KIF1B: variants seen among roughly 807,000 people sequenced by gnomAD.
KIF1B encodes the protein kinesin family member 1B.
Under a neutral mutation model 241.9 loss-of-function variants are expected in KIF1B, and 76 were observed. The observed-to-expected ratio is 0.31, with a 90% CI of 0.26 to 0.38. The LOEUF (loss-of-function observed/expected upper bound fraction) is 0.38, where lower values mean the gene tolerates loss of function less well. Among genes scored for constraint, KIF1B ranks in the 10% least tolerant of loss-of-function variants. The pLI, the probability that KIF1B is intolerant of heterozygous loss-of-function variation, is 1.00. For synonymous variants in KIF1B, 750 were observed against 796.7 expected, an observed-to-expected ratio of 0.94 and a Z score of 0.99; for missense variants, 1,622 against 2,271.4, an observed-to-expected ratio of 0.71 and a Z score of 5.81.
chr1:10,304,665 C>T (rs891567009), intron 22 of KIF1B: 6 of 1,613,162 alleles, frequency 3.7e-6, no homozygotes, highest in Non-Finnish European at 5.1e-6. Flanking sequence ...ACTGGACAAA[C>T]TTGAAATCAT....
chr1:10,223,158 A>G (rs1027254489), intron 1 of KIF1B, among the ~76,000 whole-genome samples: 1 of 152,170 alleles, frequency 6.6e-6, no homozygotes, highest in Admixed American at 6.6e-5. Flanking sequence ...AGGCTGAGGC[A>G]GGAGAATCGC....
intron 28 of KIF1B, among the ~76,000 whole-genome samples, 176 bp downstream of exon 28, chr1:10,334,814 C>T (rs560622388): frequency 6.6e-6 from 1 of 152,294 alleles, no homozygotes; most frequent in East Asian, 1.9e-4. Context: ...GCAATTGTTC[C>T]CAAGTATCAC....
chr1:10,334,244 T>C (rs1430220328), intron 27 of KIF1B, among the ~76,000 whole-genome samples: 1 of 151,984 alleles, frequency 6.6e-6, no homozygotes, highest in African/African-American at 2.4e-5. Context: ...GAAAGTCTGC[T>C]TCCAGGTGTG....
At position 10,342,101 on chromosome 1, in the gene KIF1B, A is replaced by G. The variant is rs190481457; in HGVS notation, c.3565A>G (p.Ile1189Val). 17 of 1,613,884 alleles carry G rather than the reference A, an allele frequency of 1.1e-5. No homozygotes were observed. In the Admixed American group the frequency reaches 2.5e-4, roughly 24 times the overall value. ...SFVDYIKTKP[I>V]VFEVFGHYQQ... Reference sequence around the variant, plus strand: ...TGTGGATTACATCAAAACCAAGCCTATTGTATTTGAAGTCTTTGGGCATTA... The same window carrying G: ...TGTGGATTACATCAAAACCAAGCCTGTTGTATTTGAAGTCTTTGGGCATTA... The change falls in exon 33 of 49, where the codon ATT (isoleucine) becomes GTT (valine). Residue 1189 changes from isoleucine (I) to valine (V), a missense_variant. Physicochemically the swap from Ile to Val is conservative, Grantham distance 29. Transcript: ENST00000676179.
At chr1:10,220,373 T>TA (rs1180517833) in intron 1 of KIF1B, among the ~76,000 whole-genome samples, 1 of 130,612 alleles carries the variant, frequency 7.7e-6, no homozygotes, top group Non-Finnish European at 1.6e-5. Context: ...CCTGTTTCAA[T>TA]AGATAGATAG....
intron 10 of KIF1B, among the ~76,000 whole-genome samples, chr1:10,273,329 G>A (rs1315781678): frequency 2.6e-5 from 4 of 152,138 alleles, no homozygotes; most frequent in East Asian, 1.9e-4. Context: ...CAAGGCGGGC[G>A]GATCATTTGA....
Position 10,336,638 on chromosome 1 carries a change from A to AT in KIF1B, c.3044-10dup, listed in dbSNP as rs758417740. 568 of 1,578,820 alleles carry AT rather than the reference A, an allele frequency of 3.6e-4. No individual in the cohort carries two copies. The highest frequency in any genetic ancestry group is 6.7e-4 in the Middle Eastern group (4 of 5,974). On this transcript the variant is annotated intron_variant, in intron 28 of 48. Transcript: ENST00000676179. ...GTGTAGTCTCACTCAATTCTTGCTA[A>AT]TTTTTTTTTCTGCTTTAGCGGATGA...
At position 10,381,074 on chromosome 1, in the gene KIF1B, G is replaced by A. The variant is rs2102371809; in HGVS notation, c.*4487G>A. 4.5e-6 allele frequency: 1 copy of A among 223,416 alleles called. No homozygotes were observed. The highest frequency in any genetic ancestry group is 6.6e-5 in the East Asian group (1 of 15,238). The allele number at this position is 223,416 out of a possible 1,614,324, so 13.8% of individuals were successfully genotyped here. A position where few individuals can be genotyped will look rare whatever the true frequency, so the allele number is the denominator to read the frequency against. On this transcript the variant is annotated 3_prime_UTR_variant, in exon 49 of 49. Coordinates refer to ENST00000676179, the MANE Select transcript of KIF1B (RefSeq NM_001365951.3). ...AGATGGAAAGTCTGAGCTGAGGTTG[G>A]TCTCTTGCCAAACCGTGGCTGTTGT...
At chr1:10,256,400 G>A (rs1033566345) in intron 3 of KIF1B, 77 bp downstream of exon 3, 43 of 996,920 alleles carry the variant, frequency 4.3e-5, no homozygotes, top group Non-Finnish European at 5.8e-5. Flanking sequence ...TTTTCTCTTA[G>A]CTGAGCAGAT....
chr1:10,333,467 G>A (rs1289850666), intron 27 of KIF1B, among the ~76,000 whole-genome samples: 4 of 152,036 alleles, frequency 2.6e-5, no homozygotes, highest in East Asian at 1.9e-4. Context: ...TGTTGCGGGC[G>A]GATCACGAGG....
At chr1:10,305,465 C>CA (rs1650784123) in intron 22 of KIF1B, 1 of 1,059,270 alleles carries the variant, frequency 9.4e-7, no homozygotes, top group Non-Finnish European at 1.1e-6. Flanking sequence ...GAAATACCAA[C>CA]AAAAAACTTG....
At chr1:10,272,190 A>C in intron 8 of KIF1B, 51 bp from the exon 9 acceptor site, 1 of 1,029,688 alleles carries the variant, frequency 9.7e-7, no homozygotes, top group Non-Finnish European at 1.5e-6. Context: ...TGTATGATAT[A>C]GCAGTAGTAG....
At chr1:10,307,751 A>G (rs1449557868) in intron 22 of KIF1B, 4 of 1,033,644 alleles carry the variant, frequency 3.9e-6, no homozygotes, top group Non-Finnish European at 4.7e-6. Context: ...TGTTTATTCT[A>G]TTGAAGTTAT....
intron 2 of KIF1B, among the ~76,000 whole-genome samples, chr1:10,247,395 T>C (rs4240911): frequency 0.33 from 49,913 of 152,124 alleles, 8,310 homozygotes; most frequent in Middle Eastern, 0.39. Flanking sequence ...ACTTTCACTG[T>C]GATCTTTTAT....
intron 41 of KIF1B, among the ~76,000 whole-genome samples, chr1:10,364,343 T>C (rs1638507338): frequency 6.6e-6 from 1 of 151,956 alleles, no homozygotes. Flanking sequence ...TAGCTGGGTT[T>C]GCAAGCACCC....
At chr1:10,336,960 A>G (rs1427843930) in intron 29 of KIF1B, 114 bp from the exon 30 acceptor site, 7 of 1,415,846 alleles carry the variant, frequency 4.9e-6, no homozygotes, top group African/African-American at 4.2e-5. Flanking sequence ...CCCTCAGTCC[A>G]TATAATTTTC....
At chr1:10,336,986 G>C in intron 29 of KIF1B, 88 bp from the exon 30 acceptor site, 3 of 1,552,300 alleles carry the variant, frequency 1.9e-6, no homozygotes, top group Non-Finnish European at 2.7e-6. Context: ...ACTATTATTT[G>C]TTGGACAGAT....
chr1:10,378,651 C>T lies in KIF1B; in HGVS notation c.*2064C>T, dbSNP rs932407593. On this transcript the variant is annotated 3_prime_UTR_variant, in exon 49 of 49. Transcript: ENST00000676179. The stretch of plus-strand genomic sequence containing the variant: ...TCACGCAGCAAAGGCCAGGGGCTTG[C>T]GCGCCTCTGCAGAGTTGTTGCTAGG... The T allele has an allele frequency of 8.4e-5, 46 of 544,972 alleles. No homozygotes were observed. The highest frequency in any genetic ancestry group is 1.3e-4 in the Non-Finnish European group (40 of 303,546). 33.8% of individuals were successfully genotyped at this position (544,972 alleles called of 1,614,324 possible). A position where few individuals can be genotyped will look rare whatever the true frequency, so the allele number is the denominator to read the frequency against.
intron 1 of KIF1B, among the ~76,000 whole-genome samples, chr1:10,228,633 C>T (rs1350176393): frequency 1.3e-5 from 2 of 152,130 alleles, no homozygotes; most frequent in African/African-American, 4.8e-5. Flanking sequence ...AGAGTCTAGA[C>T]TCCTTTGTTT....
Sources: allele counts gnomAD v4.1 joint callset (sites outside exome capture counted in the v4.1 genomes callset), GRCh38; gene constraint gnomAD v4.1.1; transcripts MANE v1.5; gene names NCBI Gene and HGNC (gene_info 2026-07-23, HGNC 2026-07-21).